The following RNGTT variants were observed in gnomAD, a reference collection of about 807,000 sequenced individuals.
The protein encoded by RNGTT is RNA guanylyltransferase and 5'-phosphatase.
In RNGTT, 33 loss-of-function variants were observed where a neutral mutation model predicts 79.3. The observed-to-expected ratio is 0.42, with a 90% confidence interval of 0.32 to 0.56. RNGTT has a LOEUF of 0.56. RNGTT is among the 20% of genes least tolerant of loss of function. RNGTT has a pLI of 0.17. For synonymous variants in RNGTT, 222 were observed against 235.9 expected, an observed-to-expected ratio of 0.94 and a Z score of 0.54; for missense variants, 497 against 739.1, an observed-to-expected ratio of 0.67 and a Z score of 3.80.
At chr6:88,903,917 T>C (rs1783557029) in intron 6 of RNGTT, among the ~76,000 whole-genome samples, 1 of 152,178 alleles carries the variant, frequency 6.6e-6, no homozygotes, top group African/African-American at 2.4e-5. Context: ...AGAAGATAAC[T>C]CCTCATATTT....
Position 88,844,413 on chromosome 6 carries a change from G to C in RNGTT, c.1213C>G (p.Gln405Glu), listed in dbSNP as rs776971320. The change falls in exon 11 of 16, where the codon CAG (glutamine) becomes GAG (glutamate). Residue 405 changes from glutamine to glutamate, a missense_variant. By Grantham distance (29) the Gln-to-Glu change is conservative. Transcript: ENST00000369485. ...TTATTTCTGACGCTAAATGGTTCCT[G>C]TGTTTTGTCAATGAGCCCAGTCTTC... ...KMKTGLIDKT[Q>E]EPFSVRNKPF... 6.2e-7 allele frequency: 1 copy of C among 1,614,036 alleles called. No homozygotes were observed. The highest frequency in any genetic ancestry group is 1.1e-5 in the South Asian group (1 of 91,074).
intron 6 of RNGTT, among the ~76,000 whole-genome samples, chr6:88,896,531 T>C (rs1783255263): frequency 1.3e-5 from 2 of 152,094 alleles, no homozygotes; most frequent in Non-Finnish European, 2.9e-5. Flanking sequence ...ATGAGAAGAC[T>C]GATACAAATA....
intron 1 of RNGTT, among the ~76,000 whole-genome samples, chr6:88,962,860 G>A (rs951124336): frequency 2.0e-5 from 3 of 152,164 alleles, no homozygotes; most frequent in African/African-American, 7.2e-5. Flanking sequence ...GCCCGAGCAA[G>A]AGACCCTGTC....
intron 14 of RNGTT, among the ~76,000 whole-genome samples, chr6:88,672,016 A>G (rs1286090899): frequency 6.6e-6 from 1 of 152,174 alleles, no homozygotes; most frequent in Non-Finnish European, 1.5e-5. Flanking sequence ...ATTCTAAAAA[A>G]TAACACTGGA....
intron 13 of RNGTT, among the ~76,000 whole-genome samples, chr6:88,684,561 C>T (rs1775205298): frequency 6.6e-6 from 1 of 152,162 alleles, no homozygotes; most frequent in Non-Finnish European, 1.5e-5. Flanking sequence ...AATAAATGAG[C>T]TATCAAGCCA....
chr6:88,642,517 T>C (rs1190584089), intron 14 of RNGTT, among the ~76,000 whole-genome samples: 3 of 152,214 alleles, frequency 2.0e-5, no homozygotes, highest in Non-Finnish European at 4.4e-5. Context: ...AGGTTCTTCT[T>C]TAAAATGCAC....
At position 88,621,309 on chromosome 6, in the gene RNGTT, C is replaced by G. The variant is rs144028082; in HGVS notation, c.1507-6914G>C. ...TAATTTCATTAACTCTGATCTAGAT[C>G]AATAAAATATGTGCTCTTCATTGGT... On this transcript the variant is annotated intron_variant, in intron 14 of 15. Coordinates refer to ENST00000369485, the MANE Select transcript of RNGTT (RefSeq NM_003800.5). Among the ~76,000 whole-genome samples, 1,077 of 152,216 alleles carry G rather than the reference C, an allele frequency of 7.1e-3. 5 individuals are homozygous for G. Among genetic ancestry groups the G allele is most frequent in the South Asian group, 0.022 (107 of 4,824 alleles).
intron 8 of RNGTT, among the ~76,000 whole-genome samples, chr6:88,879,880 C>T (rs538215330): frequency 1.7e-4 from 26 of 152,174 alleles, no homozygotes; most frequent in Admixed American, 5.9e-4. Context: ...CAAATGTGAC[C>T]TGCTAATTTG....
chr6:88,936,654 T>C (rs1784675089), intron 2 of RNGTT, among the ~76,000 whole-genome samples: 2 of 152,226 alleles, frequency 1.3e-5, no homozygotes, highest in South Asian at 4.1e-4. Flanking sequence ...TGTCCTTCAT[T>C]CTATTGATGT....
chr6:88,855,069 A>G (rs148918873), intron 8 of RNGTT, among the ~76,000 whole-genome samples: 2 of 152,318 alleles, frequency 1.3e-5, no homozygotes, highest in East Asian at 3.9e-4. Flanking sequence ...GTTTGGTGTT[A>G]AATGAAAGAA....
At chr6:88,726,859 A>C (rs1033576090) in intron 13 of RNGTT, among the ~76,000 whole-genome samples, 1 of 152,240 alleles carries the variant, frequency 6.6e-6, no homozygotes, top group East Asian at 1.9e-4. Flanking sequence ...GGTTTTCAAC[A>C]AAAGTAAAGT....
intron 11 of RNGTT, among the ~76,000 whole-genome samples, chr6:88,817,927 T>A (rs1441353777): frequency 1.3e-5 from 2 of 151,784 alleles, no homozygotes; most frequent in Non-Finnish European, 2.9e-5. Flanking sequence ...GCCCAGCTAA[T>A]TTTTTGTACT....
At chr6:88,641,292 T>C (rs1247870428) in intron 14 of RNGTT, among the ~76,000 whole-genome samples, 4 of 148,954 alleles carry the variant, frequency 2.7e-5, no homozygotes, top group Non-Finnish European at 5.9e-5. Context: ...TGAGCTGAGA[T>C]GGCGCCACTG....
chr6:88,768,162 T>G lies in RNGTT; in HGVS notation c.1439+1612A>C, dbSNP rs200082891. Among the ~76,000 whole-genome samples the G allele has an allele frequency of 8.0e-5, 10 of 125,014 alleles. 1 individual carries two copies. The highest frequency in any genetic ancestry group is 5.4e-4 in the Admixed American group (7 of 12,986). The allele number at this position is 125,014 out of a possible 152,430, so 82.0% of individuals were successfully genotyped here. A position where few individuals can be genotyped will look rare whatever the true frequency, so the allele number is the denominator to read the frequency against. On this transcript the variant is annotated intron_variant, in intron 13 of 15. Coordinates refer to ENST00000369485, the MANE Select transcript of RNGTT (RefSeq NM_003800.5). The stretch of plus-strand genomic sequence containing the variant: ...ATAGTGTGTGTGTGTGTGTGTGTGT[T>G]TCTTTTTCTTTCTTTTTTTTTTGAG...
intron 12 of RNGTT, among the ~76,000 whole-genome samples, chr6:88,782,215 C>A (rs972994550): frequency 6.6e-6 from 1 of 151,990 alleles, no homozygotes; most frequent in African/African-American, 2.4e-5. Context: ...CAAAATAGCT[C>A]CATGAGGTAG....
chr6:88,742,464 C>T (rs901981175), intron 13 of RNGTT, among the ~76,000 whole-genome samples: 18 of 152,322 alleles, frequency 1.2e-4, no homozygotes, highest in African/African-American at 3.8e-4. Context: ...GTTAACATAT[C>T]ATGATAGCTT....
In RNGTT at chr6:88,890,595, A is replaced by G; in HGVS notation, c.796T>C (p.Ser266Pro). The change falls in exon 8 of 16, where the codon TCT (serine) becomes CCT (proline). Residue 266 changes from serine (S) to proline (P), a missense_variant and splice_region_variant. Physicochemically the swap from Ser to Pro is moderately conservative, Grantham distance 74. Around this residue, in one of 3 missense-constraint regions of RNGTT, gnomAD observed 440 missense variants for 671.5 expected, o/e 0.66. Coordinates refer to ENST00000369485, the MANE Select transcript of RNGTT (RefSeq NM_003800.5). Reference protein sequence around the residue: ...KCHQFCGWEGSGFPGAQPVSM... With the variant: ...KCHQFCGWEGPGFPGAQPVSM... ...ACAGGCTGTGCTCCAGGGAATCCAG[A>G]CCTTAAAGAAGAACACAGTATTACT... 1 of 1,609,086 alleles carries G rather than the reference A, an allele frequency of 6.2e-7. No homozygotes were observed. The highest frequency in any genetic ancestry group is 8.5e-7 in the Non-Finnish European group (1 of 1,176,234).
chr6:88,697,718 A>G (rs1255315931), intron 13 of RNGTT, among the ~76,000 whole-genome samples: 4 of 150,604 alleles, frequency 2.7e-5, no homozygotes, highest in Admixed American at 6.7e-5. Context: ...AAAACAAAAC[A>G]AAACAAGCCA....
chr6:88,933,298 T>C (rs1237694188), intron 2 of RNGTT, among the ~76,000 whole-genome samples: 3 of 152,304 alleles, frequency 2.0e-5, no homozygotes, highest in East Asian at 3.9e-4. Flanking sequence ...TACTTGGAAA[T>C]ACACAATACA....
Sources: allele counts gnomAD v4.1 joint callset (sites outside exome capture counted in the v4.1 genomes callset), GRCh38; gene constraint gnomAD v4.1.1; regional missense constraint gnomAD v4.1.1; transcripts MANE v1.5; gene names NCBI Gene and HGNC (gene_info 2026-07-23, HGNC 2026-07-21).